The following COL22A1 variants were observed in gnomAD, a reference collection of about 807,000 sequenced individuals.
COL22A1 encodes collagen alpha-1(XXII) chain.
Under a neutral mutation model 248.9 loss-of-function variants are expected in COL22A1, and 221 were observed. That is an observed-to-expected ratio of 0.89 (90% CI 0.80 to 0.99). The LOEUF (loss-of-function observed/expected upper bound fraction) is 0.99. Among genes scored for constraint, COL22A1 ranks in the 50% least tolerant of loss-of-function variants. The probability of loss-of-function intolerance (pLI) is 0.00; values close to 1 mark genes in which losing one functional copy is unlikely to be tolerated. For synonymous variants in COL22A1, 891 were observed against 793.4 expected, an observed-to-expected ratio of 1.12 and a Z score of -2.07; for missense variants, 2,240 against 2,179.0, an observed-to-expected ratio of 1.03 and a Z score of -0.56.
chr8:138,900,806 C>A (rs1814491155), intron 1 of COL22A1, among the ~76,000 whole-genome samples: 1 of 151,806 alleles, frequency 6.6e-6, no homozygotes, highest in East Asian at 1.9e-4. Flanking sequence ...GTGTTCCTGC[C>A]TCCATCCAGC....
intron 37 of COL22A1, among the ~76,000 whole-genome samples, chr8:138,686,249 T>C (rs1320610947): frequency 6.6e-6 from 1 of 152,014 alleles, no homozygotes; most frequent in African/African-American, 2.4e-5. Flanking sequence ...GGGGTCGGCT[T>C]GAGGACCTGG....
chr8:138,905,408 T>C (rs1444873006), intron 1 of COL22A1, among the ~76,000 whole-genome samples: 2 of 152,198 alleles, frequency 1.3e-5, no homozygotes, highest in Admixed American at 1.3e-4. Flanking sequence ...CTGGCTGTCT[T>C]AGCTGAAGGA....
intron 36 of COL22A1, among the ~76,000 whole-genome samples, chr8:138,690,109 C>A (rs1224967042): frequency 1.3e-5 from 2 of 152,240 alleles, no homozygotes; most frequent in Non-Finnish European, 2.9e-5. Flanking sequence ...CCATGCCTGG[C>A]ATGTATAAAG....
chr8:138,861,704 C>A (rs1301765293), intron 3 of COL22A1, among the ~76,000 whole-genome samples: 1 of 152,188 alleles, frequency 6.6e-6, no homozygotes, highest in Non-Finnish European at 1.5e-5. Flanking sequence ...CTCCCCTTGC[C>A]TCTGTGTCTC....
At chr8:138,748,610 G>A (rs762007441) in intron 22 of COL22A1, among the ~76,000 whole-genome samples, 74 of 152,186 alleles carry the variant, frequency 4.9e-4, no homozygotes, top group Middle Eastern at 3.4e-3. Flanking sequence ...TCCTACCCCT[G>A]CCCATCATCA....
At chr8:138,911,728 A>G (rs1199941797) in intron 1 of COL22A1, among the ~76,000 whole-genome samples, 2 of 152,240 alleles carry the variant, frequency 1.3e-5, no homozygotes, top group East Asian at 3.9e-4. Context: ...GCATCCGTTT[A>G]GGGGCCATTT....
At chr8:138,806,047 TAG>T (rs1563788088) in intron 10 of COL22A1, among the ~76,000 whole-genome samples, 8 of 42,588 alleles carry the variant, frequency 1.9e-4, no homozygotes, top group South Asian at 7.8e-4. Flanking sequence ...TGTGATGGTG[TAG>T]GTAATGGTGT....
chr8:138,785,669 G>A (rs1815456993), intron 12 of COL22A1, among the ~76,000 whole-genome samples: 1 of 152,154 alleles, frequency 6.6e-6, no homozygotes, highest in Non-Finnish European at 1.5e-5. Flanking sequence ...AATAAAGGAG[G>A]GGGCAGCAGG....
intron 23 of COL22A1, among the ~76,000 whole-genome samples, chr8:138,727,341 T>G (rs562117815): frequency 8.2e-4 from 124 of 152,088 alleles, no homozygotes; most frequent in Non-Finnish European, 1.4e-3. Context: ...AATTAAACTC[T>G]CCCTGCTCCG....
At chr8:138,714,078 C>G (rs961369703) in intron 30 of COL22A1, among the ~76,000 whole-genome samples, 1 of 152,202 alleles carries the variant, frequency 6.6e-6, no homozygotes. Flanking sequence ...CTCTGTTACA[C>G]TGTGATTTAA....
At chr8:138,731,114 C>T (rs1428391344) in intron 23 of COL22A1, among the ~76,000 whole-genome samples, 2 of 151,992 alleles carry the variant, frequency 1.3e-5, no homozygotes, top group African/African-American at 4.8e-5. Flanking sequence ...CCAGCCTGGC[C>T]AACATGGAGA....
intron 50 of COL22A1, among the ~76,000 whole-genome samples, chr8:138,626,742 C>T (rs1175829954): frequency 2.6e-5 from 4 of 152,170 alleles, no homozygotes; most frequent in African/African-American, 9.7e-5. Flanking sequence ...TTTCCAGAGG[C>T]TCCTACATGT....
chr8:138,820,662 TATTTA>T (rs1819039575), intron 7 of COL22A1, among the ~76,000 whole-genome samples: 1 of 152,180 alleles, frequency 6.6e-6, no homozygotes, highest in Non-Finnish European at 1.5e-5. Flanking sequence ...AAAAAATCTG[TATTTA>T]AATTTATCAG....
intron 10 of COL22A1, among the ~76,000 whole-genome samples, chr8:138,803,966 T>C (rs1448412543): frequency 2.6e-5 from 4 of 152,162 alleles, no homozygotes; most frequent in African/African-American, 7.2e-5. Context: ...ACCCAGCTGG[T>C]CAGGGCTGTC....
intron 8 of COL22A1, among the ~76,000 whole-genome samples, 190 bp downstream of exon 8, chr8:138,812,749 A>G (rs1391808378): frequency 6.6e-6 from 1 of 152,106 alleles, no homozygotes. Flanking sequence ...GGTACAGACC[A>G]CAGTAGCCCT....
At chr8:138,671,697 G>A (rs76920170) in intron 41 of COL22A1, among the ~76,000 whole-genome samples, 7 of 152,318 alleles carry the variant, frequency 4.6e-5, no homozygotes, top group African/African-American at 1.4e-4. Context: ...GAGAAAAGTC[G>A]TCATATTACA....
At chr8:138,778,261 G>A in intron 15 of COL22A1, 92 bp downstream of exon 15, 1 of 1,388,742 alleles carries the variant, frequency 7.2e-7, no homozygotes, top group Non-Finnish European at 1.0e-6. Flanking sequence ...CAGCATTACT[G>A]TCTAGATGCA....
chr8:138,821,571 C>T (rs898037370), intron 6 of COL22A1, among the ~76,000 whole-genome samples, 160 bp from the exon 7 acceptor site: 5 of 152,164 alleles, frequency 3.3e-5, no homozygotes, highest in African/African-American at 9.7e-5. Flanking sequence ...GGACAAATTC[C>T]GTCACACCTC....
intron 49 of COL22A1, 148 bp from the exon 50 acceptor site, chr8:138,630,896 T>C: frequency 1.4e-6 from 1 of 726,486 alleles, no homozygotes; most frequent in Admixed American, 2.0e-5. Flanking sequence ...ATATTGTAGG[T>C]GGGCCCTGGT....
Sources: allele counts gnomAD v4.1 joint callset (sites outside exome capture counted in the v4.1 genomes callset), GRCh38; gene constraint gnomAD v4.1.1; transcripts MANE v1.5; gene names NCBI Gene and HGNC (gene_info 2026-07-23, HGNC 2026-07-21).